Variants in VEGFC observed in about 807,000 individuals in gnomAD.
VEGFC encodes vascular endothelial growth factor C.
VEGFC carries 12 observed loss-of-function variants against 46.1 expected under a neutral mutation model. The observed-to-expected ratio is 0.26, with a 90% CI of 0.17 to 0.42. VEGFC has a LOEUF of 0.42. Among genes scored for constraint, VEGFC ranks in the 10% least tolerant of loss-of-function variants. The probability of loss-of-function intolerance (pLI) is 1.00; values close to 1 mark genes in which losing one functional copy is unlikely to be tolerated. For missense variants in VEGFC, 488 were observed against 529.4 expected (o/e 0.92, Z 0.77); for synonymous variants, 232 against 195.5 (o/e 1.19, Z -1.56).
At chr4:176,754,823 T>C (rs1735404824) in intron 1 of VEGFC, among the ~76,000 whole-genome samples, 1 of 152,020 alleles carries the variant, frequency 6.6e-6, no homozygotes. Context: ...CAGTGTGAAG[T>C]GGGATGAATA....
intron 1 of VEGFC, among the ~76,000 whole-genome samples, chr4:176,764,250 T>C (rs542847310): frequency 6.6e-6 from 1 of 152,268 alleles, no homozygotes; most frequent in Non-Finnish European, 1.5e-5. Context: ...ATGATAGTCC[T>C]TGGATAGGTA....
chr4:176,696,370 A>G (rs938388000), intron 4 of VEGFC, among the ~76,000 whole-genome samples: 1 of 150,970 alleles, frequency 6.6e-6, no homozygotes. Context: ...ATCATGAGTG[A>G]ACTCCCATTC....
intron 2 of VEGFC, 101 bp from the exon 3 acceptor site, chr4:176,728,069 A>G (rs1734903238): frequency 1.0e-6 from 1 of 960,732 alleles, no homozygotes; most frequent in Admixed American, 3.0e-5. Flanking sequence ...AGATTTTAAC[A>G]TTTAAGTTCA....
In VEGFC at chr4:176,692,437, A is replaced by G. The variant is rs58020262; in HGVS notation, c.705-4510T>C. ...AAACAAAAAAAAAACAAAAAACGGC[A>G]CACCACGAGATTATACCCGCACCTG... On this transcript the variant is annotated intron_variant, in intron 4 of 6. Coordinates refer to ENST00000618562, the MANE Select transcript of VEGFC (RefSeq NM_005429.5). Among the ~76,000 whole-genome samples the G allele has an allele frequency of 9.8e-3, 1,141 of 116,058 alleles. 83 individuals are homozygous for G. Among genetic ancestry groups the G allele is most frequent in the African/African-American group, 0.047 (856 of 18,256 alleles). The allele number at this position is 116,058 out of a possible 152,430, so 76.1% of individuals were successfully genotyped here.
chr4:176,740,415 TTC>T (rs545313763), intron 1 of VEGFC, among the ~76,000 whole-genome samples: 2,452 of 89,692 alleles, frequency 0.027, 41 homozygotes, highest in Middle Eastern at 0.17. Context: ...GTTATATATA[TTC>T]TATATATAGT....
At chr4:176,691,616 G>C (rs559628244) in intron 4 of VEGFC, among the ~76,000 whole-genome samples, 34 of 152,056 alleles carry the variant, frequency 2.2e-4, no homozygotes, top group African/African-American at 7.7e-4. Flanking sequence ...TTAAAATCAC[G>C]TGACAAAAAT....
chr4:176,780,744 C>T (rs1008272259), intron 1 of VEGFC, among the ~76,000 whole-genome samples: 9 of 152,068 alleles, frequency 5.9e-5, no homozygotes, highest in African/African-American at 1.9e-4. Flanking sequence ...AGAGGAAGCC[C>T]GAGCGTCAGT....
chr4:176,690,800 T>C (rs537461735), intron 4 of VEGFC, among the ~76,000 whole-genome samples: 3 of 152,342 alleles, frequency 2.0e-5, no homozygotes, highest in Admixed American at 1.3e-4. Context: ...TTGATTGATA[T>C]ATGGTTTAAG....
chr4:176,732,757 A>T (rs1414183346), intron 1 of VEGFC, among the ~76,000 whole-genome samples: 1 of 151,768 alleles, frequency 6.6e-6, no homozygotes, highest in Admixed American at 6.6e-5. Flanking sequence ...AATATTTGTG[A>T]TCATAGATGA....
chr4:176,781,597 C>T (rs576661781), intron 1 of VEGFC, among the ~76,000 whole-genome samples: 13 of 152,130 alleles, frequency 8.5e-5, no homozygotes, highest in Non-Finnish European at 1.9e-4. Context: ...AATTCAATCA[C>T]AGGATTCATG....
In VEGFC at chr4:176,688,110, C is replaced by T. The variant is rs2333495; in HGVS notation, c.705-183G>A. On this transcript the variant is annotated intron_variant, in intron 4 of 6. Coordinates refer to ENST00000618562, the MANE Select transcript of VEGFC (RefSeq NM_005429.5). Reference sequence around the variant, plus strand: ...CCCACAACTGCTATAAAATTCCAATCCCAGAGGTGATCACTGTTTGTGGTA... The same window carrying T: ...CCCACAACTGCTATAAAATTCCAATTCCAGAGGTGATCACTGTTTGTGGTA... Among the ~76,000 whole-genome samples, 88,764 of 151,792 alleles carry T rather than the reference C, an allele frequency of 0.58. 28,184 individuals carry two copies. The highest frequency in any genetic ancestry group is 0.74 in the South Asian group (3,549 of 4,818).
At chr4:176,764,679 C>T (rs1735585881) in intron 1 of VEGFC, among the ~76,000 whole-genome samples, 1 of 152,146 alleles carries the variant, frequency 6.6e-6, no homozygotes, top group Non-Finnish European at 1.5e-5. Context: ...CAGACTGATA[C>T]ACACAGGCTT....
At chr4:176,700,562 G>C (rs1734410637) in intron 4 of VEGFC, among the ~76,000 whole-genome samples, 1 of 152,188 alleles carries the variant, frequency 6.6e-6, no homozygotes, top group Admixed American at 6.5e-5. Flanking sequence ...AACTGGCTAA[G>C]TACAGGACTT....
intron 5 of VEGFC, 53 bp from the exon 6 acceptor site, chr4:176,687,573 G>A: frequency 6.9e-7 from 1 of 1,448,446 alleles, no homozygotes; most frequent in Non-Finnish European, 9.1e-7. Context: ...TCTGGGTGTG[G>A]CATGAAACAA....
intron 4 of VEGFC, among the ~76,000 whole-genome samples, chr4:176,697,526 C>T (rs1049070764): frequency 6.6e-6 from 1 of 150,422 alleles, no homozygotes; most frequent in Non-Finnish European, 1.5e-5. Flanking sequence ...AACACTTTTA[C>T]ACTGTTGGTG....
In VEGFC at chr4:176,792,296, A is replaced by C. The variant is rs776169790; in HGVS notation, c.16T>G (p.Phe6Val). 6.6e-7 allele frequency: 1 copy of C among 1,508,308 alleles called. No individual in the cohort carries two copies. Among genetic ancestry groups the C allele is most frequent in the South Asian group, 1.2e-5 (1 of 83,068 alleles). 93.4% of individuals were successfully genotyped at this position (1,508,308 alleles called of 1,614,324 possible). ...AGCAGAGAACACGCCACAGAGAAGA[A>C]GCCCAGCAAGTGCATGGTGGAAGGA... The part of the protein sequence containing the change: MHLLG[F>V]FSVACSLLAA... Residue 6 changes from phenylalanine (F) to valine (V), a missense_variant, in exon 1 of 7, where the codon TTC becomes GTC. Phe to Val is a conservative substitution (Grantham distance 50). Transcript: ENST00000618562. This position sits in a 1 kb window ranked among gnomAD's most constrained non-coding sequence, Gnocchi z 6.3.
chr4:176,717,837 TGGGAAAA>T (rs1186287367), intron 3 of VEGFC, among the ~76,000 whole-genome samples: 2 of 151,988 alleles, frequency 1.3e-5, no homozygotes, highest in Non-Finnish European at 2.9e-5. Context: ...TGCCCCAAAA[TGGGAAAA>T]GGTCTTAGCA....
At chr4:176,688,040 G>A in intron 4 of VEGFC, 113 bp from the exon 5 acceptor site, 1 of 553,186 alleles carries the variant, frequency 1.8e-6, no homozygotes, top group Non-Finnish European at 3.2e-6. Context: ...AAAAATATAA[G>A]AATTATGAGA....
At chr4:176,745,187 T>C (rs1046238687) in intron 1 of VEGFC, among the ~76,000 whole-genome samples, 7 of 152,114 alleles carry the variant, frequency 4.6e-5, no homozygotes, top group African/African-American at 1.4e-4. Context: ...AATTCCTTTA[T>C]AAGTCATCCA....
Sources: gnomAD v4.1 joint callset for allele counts (sites outside exome capture counted in the v4.1 genomes callset) on GRCh38, gnomAD v4.1.1 for gene constraint, Gnocchi (gnomAD v3.1) non-coding constraint, MANE v1.5 for transcripts, NCBI Gene and HGNC (gene_info 2026-07-23, HGNC 2026-07-21) for gene names.